The following E2F3 variants were observed in gnomAD, a reference collection of about 807,000 sequenced individuals.
E2F3 encodes the protein transcription factor E2F3.
In E2F3, 11 loss-of-function variants were observed where a neutral mutation model predicts 44.4. The observed-to-expected ratio is 0.25, with a 90% CI of 0.16 to 0.41. The LOEUF is 0.41. E2F3 is among the 10% of genes least tolerant of loss of function. The probability of loss-of-function intolerance (pLI) is 1.00; values close to 1 mark genes in which losing one functional copy is unlikely to be tolerated. For missense variants in E2F3, 487 were observed against 583.6 expected, an observed-to-expected ratio of 0.83 and a Z score of 1.70; for synonymous variants, 249 against 253.0, an observed-to-expected ratio of 0.98 and a Z score of 0.15.
rs1561883371 is a variant in E2F3, at chr6:20,480,094, C to CA, written c.505+144dup. On this transcript the variant is annotated intron_variant, in intron 2 of 6. Transcript: ENST00000346618. ...TTTTTCATTTCTTTCTGTGCTTATC[C>CA]AAAAAAATAAATACAATGTCAGCAG... 3.5e-6 allele frequency: 5 copies of CA among 1,414,958 alleles called. No individual in the cohort carries two copies. The South Asian group carries it at 6.2e-5, about 18-fold the overall frequency. 87.7% of individuals were successfully genotyped at this position (1,414,958 alleles called of 1,614,324 possible). A position where few individuals can be genotyped will look rare whatever the true frequency, so the allele number is the denominator to read the frequency against.
chr6:20,489,577 TAGC>T (rs1242527354), intron 6 of E2F3, among the ~76,000 whole-genome samples: 1 of 152,242 alleles, frequency 6.6e-6, no homozygotes, highest in East Asian at 1.9e-4. Flanking sequence ...AATGACTAGA[TAGC>T]AGAGAGAAGT....
intron 1 of E2F3, among the ~76,000 whole-genome samples, chr6:20,474,097 G>GT (rs11420210): frequency 0.9 from 136,517 of 151,486 alleles, 61,623 homozygotes; most frequent in East Asian, 0.99. Context: ...GGGTTTTGTG[G>GT]TTTTTTTTCG....
At chr6:20,411,735 A>G (rs1302686927) in intron 1 of E2F3, among the ~76,000 whole-genome samples, 5 of 152,106 alleles carry the variant, frequency 3.3e-5, no homozygotes, top group Non-Finnish European at 7.4e-5. Flanking sequence ...GCCCACATCA[A>G]GGGAAGGCGT....
chr6:20,457,352 T>C (rs1463694374), intron 1 of E2F3, among the ~76,000 whole-genome samples: 2 of 145,638 alleles, frequency 1.4e-5, no homozygotes, highest in African/African-American at 5.0e-5. Flanking sequence ...TTTTTTCTTT[T>C]TTTTTTTTTT....
chr6:20,409,179 A>C lies in E2F3; in HGVS notation c.393+6554A>C, dbSNP rs6925378. Among the ~76,000 whole-genome samples, 47 of 152,352 alleles carry C rather than the reference A, an allele frequency of 3.1e-4. 1 individual carries two copies. Among genetic ancestry groups the C allele is most frequent in the African/African-American group, 1.0e-3 (42 of 41,584 alleles). ...AATTGGGGTGTGTAGGACACATTTT[A>C]GATTTCCTTCAGGAGTGGTTACCTT... On this transcript the variant is annotated intron_variant, in intron 1 of 6. Transcript: ENST00000346618.
chr6:20,492,127 T>C lies in E2F3; in HGVS notation c.*1697T>C. The C allele has an allele frequency of 4.6e-6, 1 of 218,078 alleles. No homozygotes were observed. Among genetic ancestry groups the C allele is most frequent in the East Asian group, 6.8e-5 (1 of 14,784 alleles). The allele number at this position is 218,078 out of a possible 1,614,324, so 13.5% of individuals were successfully genotyped here. ...GTAGGCACTCAACTCATATGTTTAA[T>C]TGAATTGAAAATATCCCTTAGGAAA... On this transcript the variant is annotated 3_prime_UTR_variant, in exon 7 of 7. Coordinates refer to ENST00000346618, the MANE Select transcript of E2F3 (RefSeq NM_001949.5).
chr6:20,415,804 T>C (rs781072276), intron 1 of E2F3, among the ~76,000 whole-genome samples: 9 of 152,214 alleles, frequency 5.9e-5, no homozygotes, highest in Non-Finnish European at 1.5e-5. Flanking sequence ...GCCCTGTCTT[T>C]TTTATGATGA....
intron 1 of E2F3, among the ~76,000 whole-genome samples, chr6:20,411,558 G>T (rs550991144): frequency 1.3e-5 from 2 of 152,304 alleles, no homozygotes; most frequent in South Asian, 4.2e-4. Flanking sequence ...GCCATCAAGG[G>T]ATGGTGAAAT....
chr6:20,460,935 C>T (rs1292259728), intron 1 of E2F3, among the ~76,000 whole-genome samples: 5 of 120,452 alleles, frequency 4.2e-5, no homozygotes, highest in African/African-American at 1.6e-4. Flanking sequence ...GATGGAAGTT[C>T]CAGTGAGCCG....
chr6:20,410,705 G>A (rs1239059762), intron 1 of E2F3, among the ~76,000 whole-genome samples: 1 of 152,122 alleles, frequency 6.6e-6, no homozygotes, highest in Non-Finnish European at 1.5e-5. Context: ...CGCAACCTCT[G>A]CCTCCTGGGT....
At chr6:20,482,489 C>A (rs1035788297) in intron 3 of E2F3, among the ~76,000 whole-genome samples, 8 of 150,418 alleles carry the variant, frequency 5.3e-5, no homozygotes, top group African/African-American at 1.9e-4. Context: ...TGAATTTGAA[C>A]CTTCTGAAGA....
At chr6:20,431,448 G>A (rs1346239493) in intron 1 of E2F3, among the ~76,000 whole-genome samples, 2 of 152,136 alleles carry the variant, frequency 1.3e-5, no homozygotes, top group Admixed American at 6.5e-5. Flanking sequence ...GGTGCCAGGA[G>A]CACTGCTTTT....
At position 20,488,145 on chromosome 6, in the gene E2F3, G is replaced by A; in HGVS notation, c.1032G>A (p.Gly344=). ...AAATACATTTGGCAAGTACCCAAGG[G>A]CCCATTGAGGTTTACTTATGTCCAG... is the stretch of plus-strand genomic sequence containing the variant. ...SLQIHLASTQ[G]PIEVYLCPEE... Residue 344 remains glycine, a synonymous_variant, in exon 6 of 7, where the codon GGG becomes GGA. Coordinates refer to ENST00000346618, the MANE Select transcript of E2F3 (RefSeq NM_001949.5). 6.2e-7 allele frequency: 1 copy of A among 1,614,108 alleles called. No individual in the cohort carries two copies. The highest frequency in any genetic ancestry group is 1.1e-5 in the South Asian group (1 of 91,084).
At chr6:20,437,383 G>A (rs143995078) in intron 1 of E2F3, among the ~76,000 whole-genome samples, 10 of 152,166 alleles carry the variant, frequency 6.6e-5, no homozygotes, top group East Asian at 3.9e-4. Context: ...CAAAATTGGC[G>A]GGTGCCAATC....
intron 1 of E2F3, among the ~76,000 whole-genome samples, chr6:20,403,136 C>G (rs977796122): frequency 6.6e-6 from 1 of 150,866 alleles, no homozygotes; most frequent in Non-Finnish European, 1.5e-5. Flanking sequence ...GCTCGGAGCG[C>G]AGGGGATCGG....
At position 20,490,096 on chromosome 6, in the gene E2F3, A is replaced by G; in HGVS notation, c.1136-72A>G. On this transcript the variant is annotated intron_variant, in intron 6 of 6. Coordinates refer to ENST00000346618, the MANE Select transcript of E2F3 (RefSeq NM_001949.5). This position sits in a 1 kb window ranked among gnomAD's most constrained non-coding sequence, Gnocchi z 4.3. The stretch of plus-strand genomic sequence containing the variant: ...ACATGCTTTTTTCTAACAGCAACAT[A>G]TACATTCTTCCAGAAAAATTCATTT... 1.4e-6 allele frequency: 2 copies of G among 1,478,976 alleles called. No homozygotes were observed. The highest frequency in any genetic ancestry group is 1.8e-6 in the Non-Finnish European group (2 of 1,099,770). The allele number at this position is 1,478,976 out of a possible 1,614,324, so 91.6% of individuals were successfully genotyped here.
In E2F3 at chr6:20,490,308, C is replaced by G. The variant is rs776946784; in HGVS notation, c.1276C>G (p.Leu426Val). The stretch of plus-strand genomic sequence containing the variant: ...CCTAGAAGGACCGTTTGTGAACTTA[C>G]TGCCTCCCCTGCTGCAAGAGGACTA... ...SNLEGPFVNL[L>V]PPLLQEDYLL... Residue 426 changes from leucine to valine, a missense_variant, in exon 7 of 7, where the codon CTG becomes GTG. Around this residue, in one of 3 missense-constraint regions of E2F3, gnomAD observed 220 missense variants for 261.7 expected, o/e 0.84. Coordinates refer to ENST00000346618, the MANE Select transcript of E2F3 (RefSeq NM_001949.5). The surrounding 1 kb of genome is among the most constrained non-coding windows in gnomAD (Gnocchi z 4.3). 6 of 1,614,172 alleles carry G rather than the reference C, an allele frequency of 3.7e-6. No individual in the cohort carries two copies. The South Asian group carries it at 5.5e-5, about 15-fold the overall frequency.
intron 1 of E2F3, among the ~76,000 whole-genome samples, chr6:20,410,536 G>A (rs1269356037): frequency 1.3e-5 from 2 of 152,198 alleles, no homozygotes; most frequent in Non-Finnish European, 2.9e-5. Flanking sequence ...ACGTAGGAAG[G>A]ATTATGTGTT....
intron 1 of E2F3, among the ~76,000 whole-genome samples, chr6:20,404,698 A>C (rs1413324083): frequency 1.4e-5 from 2 of 147,886 alleles, no homozygotes; most frequent in African/African-American, 4.8e-5. Context: ...GGCATGTGTG[A>C]TGTAGTCTTA....
Sources: gnomAD v4.1 joint callset for allele counts (sites outside exome capture counted in the v4.1 genomes callset) on GRCh38, gnomAD v4.1.1 for gene constraint, gnomAD v4.1.1 regional missense constraint, Gnocchi (gnomAD v3.1) non-coding constraint, MANE v1.5 for transcripts, NCBI Gene and HGNC (gene_info 2026-07-23, HGNC 2026-07-21) for gene names.